The following TSPAN15 variants were observed in gnomAD, a reference collection of about 807,000 sequenced individuals.
TSPAN15 encodes tetraspanin-15.
A neutral mutation model predicts 34.5 loss-of-function variants in TSPAN15; 20 were observed. That is an observed-to-expected ratio of 0.58 (90% confidence interval 0.41 to 0.84). The LOEUF (loss-of-function observed/expected upper bound fraction) is 0.84, where lower values mean the gene tolerates loss of function less well. Ranked by LOEUF, TSPAN15 falls within the 40% of genes least tolerant of loss-of-function variation. The pLI is 0.00. For missense variants in TSPAN15, 313 were observed against 386.1 expected (o/e 0.81, Z 1.59); for synonymous variants, 155 against 153.9 (o/e 1.01, Z -0.05).
intron 1 of TSPAN15, among the ~76,000 whole-genome samples, chr10:69,478,363 G>A (rs1443697601): frequency 6.6e-6 from 1 of 152,176 alleles, no homozygotes; most frequent in Non-Finnish European, 1.5e-5. Flanking sequence ...CCCCTTTCAA[G>A]CTAGAAAGTC....
rs552710746 is a variant in TSPAN15, at chr10:69,492,716, C to G, written c.358-2878C>G. Among the ~76,000 whole-genome samples, 17 of 152,306 alleles carry G rather than the reference C, an allele frequency of 1.1e-4. 1 individual carries two copies. In the South Asian group the frequency reaches 2.5e-3, roughly 22 times the overall value. ...GCTCACCAGAGAGGCAGAGCCTTTC[C>G]CCACAGCCACAGAGCAGCCTCTACT... On this transcript the variant is annotated intron_variant, in intron 3 of 7. Transcript: ENST00000373290.
intron 1 of TSPAN15, among the ~76,000 whole-genome samples, chr10:69,472,017 T>C (rs1311759724): frequency 6.6e-6 from 1 of 152,188 alleles, no homozygotes; most frequent in African/African-American, 2.4e-5. Flanking sequence ...TTTTTAACAA[T>C]GAAAAGGAGT....
At chr10:69,454,721 G>A (rs1168608289) in intron 1 of TSPAN15, among the ~76,000 whole-genome samples, 1 of 152,168 alleles carries the variant, frequency 6.6e-6, no homozygotes, top group Non-Finnish European at 1.5e-5. Context: ...GGAGGCTGAG[G>A]TAGGAGGATC....
the TSPAN15 span, among the ~76,000 whole-genome samples, chr10:69,518,624 A>C: frequency 6.6e-6 from 1 of 152,148 alleles, no homozygotes; most frequent in African/African-American, 2.4e-5. Context: ...AGGTTTCAAC[A>C]TATTGGCCAG....
the TSPAN15 span, among the ~76,000 whole-genome samples, chr10:69,519,420 C>A: frequency 2.7e-5 from 4 of 149,568 alleles, no homozygotes; most frequent in Middle Eastern, 3.2e-3. Flanking sequence ...GACCCTGTCT[C>A]AAAAAAAATA....
At chr10:69,518,940 C>T in the TSPAN15 span, among the ~76,000 whole-genome samples, 382 of 152,312 alleles carry the variant, frequency 2.5e-3, 4 homozygotes, top group Middle Eastern at 0.01. Context: ...TAGAGACAGT[C>T]ACATAGGTGC....
the TSPAN15 span, among the ~76,000 whole-genome samples, chr10:69,530,814 CTCTCTCTA>C: frequency 7.7e-4 from 47 of 61,330 alleles, no homozygotes; most frequent in South Asian, 1.2e-3. Flanking sequence ...CTCTCTCTCT[CTCTCTCTA>C]TATATATATA....
At chr10:69,502,502 G>C (rs1426227191) in intron 5 of TSPAN15, among the ~76,000 whole-genome samples, 1 of 152,198 alleles carries the variant, frequency 6.6e-6, no homozygotes, top group African/African-American at 2.4e-5. Flanking sequence ...TCTTCTGGCT[G>C]CCCAGGAGTC....
intron 1 of TSPAN15, among the ~76,000 whole-genome samples, chr10:69,479,117 A>T (rs1403213914): frequency 6.6e-6 from 1 of 152,194 alleles, no homozygotes; most frequent in Non-Finnish European, 1.5e-5. Context: ...TTGTGAGCCT[A>T]TAGAACGTAA....
In TSPAN15 at chr10:69,506,848, C is replaced by T. The variant is rs768269107; in HGVS notation, c.755C>T (p.Thr252Met). 27 of 1,590,320 alleles carry T rather than the reference C, an allele frequency of 1.7e-5. No homozygotes were observed. The highest frequency in any genetic ancestry group is 6.8e-5 in the East Asian group (3 of 44,042). Residue 252 changes from threonine (T) to methionine (M), a missense_variant, in exon 8 of 8, where the codon ACG becomes ATG. Coordinates refer to ENST00000373290, the MANE Select transcript of TSPAN15 (RefSeq NM_012339.5). The surrounding 1 kb of genome is among the most constrained non-coding windows in gnomAD (Gnocchi z 4.7). ...LLPQFLGVLL[T>M]LLYITRVEDI... is the part of the protein sequence containing the mutation. ...TCTCAGTTCCTGGGGGTGCTGCTGA[C>T]GCTGCTGTACATCACCCGGGTGGAG...
chr10:69,459,126 C>A (rs7093123), intron 1 of TSPAN15, among the ~76,000 whole-genome samples: 5,651 of 47,398 alleles, frequency 0.12, 475 homozygotes, highest in African/African-American at 0.29. Context: ...AAAAAAAAAA[C>A]AACAACAAAA....
the TSPAN15 span, among the ~76,000 whole-genome samples, chr10:69,548,893 A>G: frequency 3.9e-5 from 6 of 151,924 alleles, no homozygotes; most frequent in African/African-American, 1.4e-4. Flanking sequence ...ATATTTGATG[A>G]AAGATTCTAG....
chr10:69,495,602 C>A lies in TSPAN15; in HGVS notation c.366C>A (p.Asp122Glu). Residue 122 changes from aspartate to glutamate, a missense_variant, in exon 4 of 8, where the codon GAC (aspartate) becomes GAA (glutamate). Coordinates refer to ENST00000373290, the MANE Select transcript of TSPAN15 (RefSeq NM_012339.5). ...TTTCTCCTTTTGAATAGACCATTGA[C>A]TTCCTGAACGACAACATTCGAAGAG... ...VALTFRNQTI[D>E]FLNDNIRRGI... 1.2e-6 allele frequency: 2 copies of A among 1,612,268 alleles called. No homozygotes were observed. Among genetic ancestry groups the A allele is most frequent in the Non-Finnish European group, 1.7e-6 (2 of 1,178,286 alleles).
downstream of TSPAN15, among the ~76,000 whole-genome samples, chr10:69,509,469 A>T (rs1842394222): frequency 6.6e-6 from 1 of 151,784 alleles, no homozygotes; most frequent in South Asian, 2.1e-4. Flanking sequence ...AGTTCCTTTA[A>T]ATTCTGGATA....
downstream of TSPAN15, among the ~76,000 whole-genome samples, chr10:69,507,928 G>C (rs551313981): frequency 7.2e-5 from 11 of 151,946 alleles, no homozygotes; most frequent in Middle Eastern, 3.4e-3. Context: ...TGGATGGGGT[G>C]GGGGACCAGG....
chr10:69,508,316 C>T (rs868655462), downstream of TSPAN15, among the ~76,000 whole-genome samples: 36 of 151,734 alleles, frequency 2.4e-4, no homozygotes, highest in African/African-American at 8.7e-4. Flanking sequence ...TGGTGCGCGC[C>T]TGTAGTTCCA....
intron 1 of TSPAN15, among the ~76,000 whole-genome samples, chr10:69,477,230 G>A (rs1188522422): frequency 6.6e-6 from 1 of 152,036 alleles, no homozygotes; most frequent in African/African-American, 2.4e-5. Context: ...CGCCTCCCGG[G>A]TTCAAGTGAT....
chr10:69,509,978 G>A (rs1427470244), downstream of TSPAN15, among the ~76,000 whole-genome samples: 1 of 152,168 alleles, frequency 6.6e-6, no homozygotes, highest in Non-Finnish European at 1.5e-5. Flanking sequence ...TTTGGTTACT[G>A]TGGCCTTATA....
the TSPAN15 span, among the ~76,000 whole-genome samples, chr10:69,525,604 T>G: frequency 6.8e-6 from 1 of 147,208 alleles, no homozygotes; most frequent in African/African-American, 2.5e-5. Context: ...GCAGATCACC[T>G]GAGGTCAGGA....
Sources: allele counts gnomAD v4.1 joint callset (sites outside exome capture counted in the v4.1 genomes callset), GRCh38; gene constraint gnomAD v4.1.1; non-coding constraint Gnocchi (gnomAD v3.1); transcripts MANE v1.5; gene names NCBI Gene and HGNC (gene_info 2026-07-23, HGNC 2026-07-21).